SF3A3: variants seen among roughly 807,000 people sequenced by gnomAD.
The protein encoded by SF3A3 is SAP 61.
A neutral mutation model predicts 85.8 loss-of-function variants in SF3A3; 9 were observed. The ratio of observed to expected loss-of-function variants is 0.10; its 90% CI spans 0.06 to 0.18. The LOEUF is 0.18. SF3A3 is among the 10% of genes least tolerant of loss of function. SF3A3 has a pLI of 1.00. For missense variants in SF3A3, 306 were observed against 593.3 expected, an observed-to-expected ratio of 0.52 and a Z score of 5.03; for synonymous variants, 195 against 204.4, an observed-to-expected ratio of 0.95 and a Z score of 0.39.
chr1:37,970,758 C>A (rs1039771275), intron 12 of SF3A3, among the ~76,000 whole-genome samples: 4 of 152,152 alleles, frequency 2.6e-5, no homozygotes, highest in Non-Finnish European at 4.4e-5. Flanking sequence ...TGAATGACTA[C>A]TGGATAAATA....
chr1:37,963,649 T>C (rs991416810), intron 15 of SF3A3, among the ~76,000 whole-genome samples: 23 of 150,612 alleles, frequency 1.5e-4, no homozygotes, highest in African/African-American at 5.4e-4. Context: ...CTCCGCCTCC[T>C]GGGTTCACGC....
At chr1:37,969,026 A>C (rs770084424) in intron 14 of SF3A3, among the ~76,000 whole-genome samples, 5 of 152,198 alleles carry the variant, frequency 3.3e-5, no homozygotes, top group African/African-American at 4.8e-5. Flanking sequence ...GAGTATTAGC[A>C]ATGGGGTAGA....
chr1:37,987,860 C>G, intron 2 of SF3A3, 24 bp from the exon 3 acceptor site: 1 of 1,596,230 alleles, frequency 6.3e-7, no homozygotes, highest in Non-Finnish European at 8.6e-7. Flanking sequence ...ACAAAACCAT[C>G]AGAATGATGC....
rs1051718293 is a variant in SF3A3, at chr1:37,957,445, C to G, written c.*741G>C. On this transcript the variant is annotated 3_prime_UTR_variant, in exon 17 of 17. Coordinates refer to ENST00000373019, the MANE Select transcript of SF3A3 (RefSeq NM_006802.4). ...TATCGCCCAGGCTGGTCTCAAACTC[C>G]TAGGTTCAAAGGATCTTCTAGCCTC... The G allele has an allele frequency of 1.1e-4, 16 of 142,714 alleles. No individual in the cohort carries two copies. In the Admixed American group the frequency reaches 1.2e-3, roughly 11 times the overall value. 8.8% of individuals were successfully genotyped at this position (142,714 alleles called of 1,614,324 possible).
intron 15 of SF3A3, among the ~76,000 whole-genome samples, chr1:37,965,302 C>CA (rs55747818): frequency 0.3 from 30,022 of 100,406 alleles, 5,865 homozygotes; most frequent in African/African-American, 0.47. Flanking sequence ...CCCATCGGCA[C>CA]AAAAAAAAAA....
At chr1:37,982,929 T>C (rs1463968714) in intron 6 of SF3A3, among the ~76,000 whole-genome samples, 2 of 151,630 alleles carry the variant, frequency 1.3e-5, no homozygotes, top group Non-Finnish European at 1.5e-5. Context: ...ACCCTATTTC[T>C]ACAAAAAAAA....
intron 12 of SF3A3, among the ~76,000 whole-genome samples, chr1:37,972,200 T>C (rs1646349168): frequency 6.6e-6 from 1 of 152,182 alleles, no homozygotes; most frequent in African/African-American, 2.4e-5. Flanking sequence ...CAAGCATTCT[T>C]ATACACCAAT....
intron 6 of SF3A3, among the ~76,000 whole-genome samples, chr1:37,983,542 G>A (rs112405103): frequency 0.015 from 1,804 of 119,590 alleles, 56 homozygotes; most frequent in African/African-American, 0.055. Context: ...AGCCAAGATC[G>A]CGCCACTGCA....
chr1:37,961,835 A>G (rs1350977746), intron 15 of SF3A3, among the ~76,000 whole-genome samples: 1 of 147,360 alleles, frequency 6.8e-6, no homozygotes, highest in Non-Finnish European at 1.5e-5. Flanking sequence ...TAATCCCAGC[A>G]CTTTGGGAGG....
At chr1:37,961,952 G>A (rs1416848309) in intron 15 of SF3A3, among the ~76,000 whole-genome samples, 2 of 151,074 alleles carry the variant, frequency 1.3e-5, no homozygotes, top group Non-Finnish European at 1.5e-5. Context: ...AGGTGTGGTG[G>A]TGCATGCCTG....
chr1:37,989,782 G>T, intron 1 of SF3A3, 88 bp downstream of exon 1: 1 of 1,281,836 alleles, frequency 7.8e-7, no homozygotes, highest in Non-Finnish European at 1.1e-6. Flanking sequence ...AGGCAGGGAG[G>T]TTCTGAGGGC....
chr1:37,989,736 T>A, intron 1 of SF3A3, 134 bp downstream of exon 1: 1 of 1,238,632 alleles, frequency 8.1e-7, no homozygotes, highest in Non-Finnish European at 1.2e-6. Context: ...GGGAGGAGGT[T>A]ACCAAGACCG....
chr1:37,964,052 G>A (rs139267662), intron 15 of SF3A3, among the ~76,000 whole-genome samples: 2,331 of 151,864 alleles, frequency 0.015, 27 homozygotes, highest in Non-Finnish European at 0.026. Context: ...GGTGGCGCAC[G>A]CCTGTAGTCC....
chr1:37,962,642 G>A (rs977538292), intron 15 of SF3A3, among the ~76,000 whole-genome samples: 7 of 149,350 alleles, frequency 4.7e-5, no homozygotes, highest in East Asian at 2.0e-4. Flanking sequence ...AATAAAGTGC[G>A]ACCAATCACC....
chr1:37,965,387 TAA>T (rs1458401787), intron 15 of SF3A3, among the ~76,000 whole-genome samples: 33 of 150,604 alleles, frequency 2.2e-4, no homozygotes, highest in African/African-American at 7.8e-4. Context: ...AGAAATTATA[TAA>T]GTTAAAGAAT....
chr1:37,972,678 T>C (rs529033488), intron 12 of SF3A3, among the ~76,000 whole-genome samples: 2 of 152,234 alleles, frequency 1.3e-5, no homozygotes, highest in African/African-American at 2.4e-5. Flanking sequence ...AACAGAGATA[T>C]AGACCAATGG....
At chr1:37,961,783 A>AAAAAAAAT (rs1646261010) in intron 15 of SF3A3, among the ~76,000 whole-genome samples, 1 of 134,196 alleles carries the variant, frequency 7.5e-6, no homozygotes, top group East Asian at 2.3e-4. Flanking sequence ...AAAAAAAAAA[A>AAAAAAAAT]GAAAGAAAGA....
intron 15 of SF3A3, among the ~76,000 whole-genome samples, chr1:37,963,849 C>T (rs1051786994): frequency 2.2e-5 from 3 of 134,176 alleles, no homozygotes; most frequent in African/African-American, 8.6e-5. Context: ...AGCCATTGCG[C>T]CTGGCCCTGC....
intron 15 of SF3A3, 30 bp from the exon 16 acceptor site, chr1:37,960,205 G>A: frequency 3.1e-6 from 5 of 1,606,530 alleles, no homozygotes; most frequent in Non-Finnish European, 4.3e-6. Context: ...CAGCAATCAG[G>A]ATGGACTGAA....
Sources: allele counts gnomAD v4.1 joint callset (sites outside exome capture counted in the v4.1 genomes callset), GRCh38; gene constraint gnomAD v4.1.1; transcripts MANE v1.5; gene names NCBI Gene and HGNC (gene_info 2026-07-23, HGNC 2026-07-21).